Variants in UPRT observed in about 807,000 individuals in gnomAD.
UPRT encodes RP11-311P8.3.
A neutral mutation model predicts 22.6 loss-of-function variants in UPRT; 5 were observed. That is an observed-to-expected ratio of 0.22 (90% confidence interval 0.12 to 0.47). UPRT has a LOEUF of 0.47. Ranked by LOEUF, UPRT falls within the 20% of genes least tolerant of loss-of-function variation. The pLI is 0.99. For missense variants in UPRT, 181 were observed against 239.9 expected (o/e 0.75, Z 1.62); for synonymous variants, 77 against 87.7 (o/e 0.88, Z 0.68).
At chrX:75,276,602 T>C (rs2082632686) in intron 1 of UPRT, among the ~76,000 whole-genome samples, 1 of 111,702 alleles carries the variant, frequency 9.0e-6, no homozygotes, top group Non-Finnish European at 1.9e-5. Context: ...CAGAAGTTAC[T>C]ACGCTTGGGT....
chrX:75,213,185 A>T (rs1291057248), intron 4 of UPRT, among the ~76,000 whole-genome samples: 1 of 112,244 alleles, frequency 8.9e-6, no homozygotes, highest in Admixed American at 9.5e-5. Flanking sequence ...TAACTCACAC[A>T]TGCCAGTAAC....
intron 4 of UPRT, among the ~76,000 whole-genome samples, chrX:75,235,331 G>C (rs2044492694): frequency 9.0e-6 from 1 of 111,527 alleles, no homozygotes; most frequent in Non-Finnish European, 1.9e-5. Context: ...GGACCAGATG[G>C]ATTCACAGCC....
At chrX:75,270,148 GA>G (rs1428641225), upstream of UPRT, among the ~76,000 whole-genome samples, 1 of 112,093 alleles carries the variant, frequency 8.9e-6, no homozygotes, top group Non-Finnish European at 1.9e-5. Flanking sequence ...ACGAACATAT[GA>G]AAAAAAGCTC....
At chrX:75,181,854 T>C (rs947308602) in intron 4 of UPRT, among the ~76,000 whole-genome samples, 1 of 111,698 alleles carries the variant, frequency 9.0e-6, no homozygotes, top group Non-Finnish European at 1.9e-5. Context: ...TCTTGCCTGA[T>C]TGCTCTGGTT....
chrX:75,228,471 C>G (rs1007193372), intron 4 of UPRT, among the ~76,000 whole-genome samples: 1 of 111,890 alleles, frequency 8.9e-6, no homozygotes, highest in Non-Finnish European at 1.9e-5. Context: ...CCTTCCTTGA[C>G]TTCCCCACAC....
intron 4 of UPRT, among the ~76,000 whole-genome samples, chrX:75,253,090 C>A: frequency 9.0e-6 from 1 of 110,533 alleles, no homozygotes; most frequent in Non-Finnish European, 1.9e-5. Flanking sequence ...ATACCTAATG[C>A]TAAATGATGA....
At chrX:75,285,828 A>G (rs940814784) in intron 1 of UPRT, among the ~76,000 whole-genome samples, 11 of 110,929 alleles carry the variant, frequency 9.9e-5, no homozygotes, top group African/African-American at 3.3e-4. Context: ...CACCTGGCAA[A>G]AAAAAAAAAT....
upstream of UPRT, among the ~76,000 whole-genome samples, chrX:75,271,547 A>G (rs949609486): frequency 1.8e-5 from 2 of 112,493 alleles, no homozygotes; most frequent in African/African-American, 6.5e-5. Flanking sequence ...AAATTCTAGA[A>G]GATAACTTTG....
chrX:75,221,221 T>C (rs747720106), intron 4 of UPRT, among the ~76,000 whole-genome samples: 1 of 110,721 alleles, frequency 9.0e-6, no homozygotes, highest in African/African-American at 3.3e-5. Flanking sequence ...TTTTTTTTTC[T>C]TTTCTCTTGC....
At chrX:75,233,965 G>T (rs776598355) in intron 4 of UPRT, among the ~76,000 whole-genome samples, 32 of 111,118 alleles carry the variant, frequency 2.9e-4, no homozygotes, top group Admixed American at 1.9e-3. Context: ...TGGACTAAAT[G>T]CTCCAATTAA....
chrX:75,208,007 T>G (rs1367735351), intron 4 of UPRT, among the ~76,000 whole-genome samples: 2 of 111,398 alleles, frequency 1.8e-5, no homozygotes, highest in Non-Finnish European at 3.8e-5. Context: ...TGGGCCCATG[T>G]GAGGCCATGT....
At chrX:75,251,842 T>C (rs2082531331) in intron 4 of UPRT, among the ~76,000 whole-genome samples, 1 of 111,164 alleles carries the variant, frequency 9.0e-6, no homozygotes, top group Non-Finnish European at 1.9e-5. Context: ...CAAAACAGCA[T>C]GGTACTGGTA....
At chrX:75,287,587 T>A (rs1418166205) in intron 1 of UPRT, among the ~76,000 whole-genome samples, 2 of 111,121 alleles carry the variant, frequency 1.8e-5, no homozygotes. Flanking sequence ...AAGAGTCAGG[T>A]TTAACAAGTC....
intron 4 of UPRT, among the ~76,000 whole-genome samples, chrX:75,193,554 A>C (rs1366990276): frequency 9.0e-6 from 1 of 111,705 alleles, no homozygotes; most frequent in Non-Finnish European, 1.9e-5. Context: ...ATGTTTTCCA[A>C]GTTCCTTGGT....
intron 1 of UPRT, among the ~76,000 whole-genome samples, chrX:75,278,379 C>T (rs998859560): frequency 8.9e-6 from 1 of 112,249 alleles, no homozygotes; most frequent in Admixed American, 9.5e-5. Context: ...AAATTTCTCT[C>T]TTTGAAAGTG....
At chrX:75,212,583 T>C (rs764652223) in intron 4 of UPRT, among the ~76,000 whole-genome samples, 4 of 112,236 alleles carry the variant, frequency 3.6e-5, no homozygotes, top group African/African-American at 1.3e-4. Context: ...ATGTGGTACA[T>C]ACACACCACG....
chrX:75,159,116 T>G (rs190532343), intron 1 of UPRT, among the ~76,000 whole-genome samples: 62 of 112,081 alleles, frequency 5.5e-4, no homozygotes, highest in Non-Finnish European at 9.4e-4. Flanking sequence ...CATTGTCCCC[T>G]CCCTTCTGCT....
intron 4 of UPRT, among the ~76,000 whole-genome samples, chrX:75,298,986 A>G (rs2082735469): frequency 8.9e-6 from 1 of 112,932 alleles, no homozygotes; most frequent in Admixed American, 9.4e-5. Flanking sequence ...TCCTCTTAAA[A>G]TAAATTTAAG....
intron 4 of UPRT, among the ~76,000 whole-genome samples, chrX:75,266,149 A>G (rs141889053): frequency 2.5e-3 from 283 of 111,533 alleles, no homozygotes; most frequent in Middle Eastern, 9.1e-3. Flanking sequence ...CTAATCCAAA[A>G]CAACAAAGCT....
Sources: gnomAD v4.1 joint callset for allele counts (sites outside exome capture counted in the v4.1 genomes callset) on GRCh38, gnomAD v4.1.1 for gene constraint, MANE v1.5 for transcripts, NCBI Gene and HGNC (gene_info 2026-07-23, HGNC 2026-07-21) for gene names.